Variants in ADAMTSL3 observed in about 807,000 individuals in gnomAD.
ADAMTSL3 encodes ADAMTS like 3.
A neutral mutation model predicts 201.7 loss-of-function variants in ADAMTSL3; 128 were observed. That is an observed-to-expected ratio of 0.63 (90% CI 0.55 to 0.73). The LOEUF is 0.73. Ranked by LOEUF, ADAMTSL3 falls within the 30% of genes least tolerant of loss-of-function variation. ADAMTSL3 has a pLI of 0.00. For synonymous variants in ADAMTSL3, 738 were observed against 748.4 expected, an observed-to-expected ratio of 0.99 and a Z score of 0.23; for missense variants, 1,990 against 2,119.6, an observed-to-expected ratio of 0.94 and a Z score of 1.20.
intron 17 of ADAMTSL3, among the ~76,000 whole-genome samples, chr15:83,941,525 A>G (rs1462437959): frequency 6.6e-6 from 1 of 152,192 alleles, no homozygotes; most frequent in Non-Finnish European, 1.5e-5. Context: ...AAATAGGATT[A>G]TACTCTACAA....
chr15:83,943,421 G>T (rs778159614), intron 19 of ADAMTSL3, among the ~76,000 whole-genome samples: 1 of 152,150 alleles, frequency 6.6e-6, no homozygotes, highest in Non-Finnish European at 1.5e-5. Flanking sequence ...GTCCTCCCAT[G>T]TGGAATCATT....
At position 83,892,862 on chromosome 15, in the gene ADAMTSL3, A is replaced by G. The variant is rs867007507; in HGVS notation, c.1441A>G (p.Lys481Glu). The G allele has an allele frequency of 6.2e-7, 1 of 1,614,120 alleles. No individual in the cohort carries two copies. The highest frequency in any genetic ancestry group is 1.1e-5 in the South Asian group (1 of 91,078). Reference protein sequence around the residue: ...MQTCNLFDCPKWIAMEWSQCT... With the variant: ...MQTCNLFDCPEWIAMEWSQCT... ...AACTTGTAATCTGTTTGATTGCCCCAAGTGGATTGCCATGGAGTGGTCTCA... is the reference window on the plus strand; with the variant it reads ...AACTTGTAATCTGTTTGATTGCCCCGAGTGGATTGCCATGGAGTGGTCTCA... Residue 481 changes from lysine (K) to glutamate (E), a missense_variant, in exon 13 of 30, where the codon AAG (lysine) becomes GAG (glutamate). Lys to Glu is a moderately conservative substitution (Grantham distance 56, BLOSUM62 1). Transcript: ENST00000286744.
chr15:83,881,369 C>T (rs2065267724), intron 9 of ADAMTSL3, among the ~76,000 whole-genome samples: 1 of 152,222 alleles, frequency 6.6e-6, no homozygotes, highest in Non-Finnish European at 1.5e-5. Flanking sequence ...CTACGTGAGG[C>T]TGATGACAGA....
intron 23 of ADAMTSL3, among the ~76,000 whole-genome samples, chr15:83,999,415 T>C (rs888771111): frequency 1.3e-5 from 2 of 152,252 alleles, no homozygotes; most frequent in Non-Finnish European, 2.9e-5. Context: ...TCAACATTTT[T>C]GTAACTAAAT....
At chr15:83,756,845 C>G (rs959695675) in intron 3 of ADAMTSL3, among the ~76,000 whole-genome samples, 1 of 152,158 alleles carries the variant, frequency 6.6e-6, no homozygotes, top group Non-Finnish European at 1.5e-5. Context: ...TTGGCCCAAA[C>G]AAAGGGGCTA....
At chr15:83,965,492 A>T (rs1334447841) in intron 19 of ADAMTSL3, among the ~76,000 whole-genome samples, 2 of 152,204 alleles carry the variant, frequency 1.3e-5, no homozygotes, top group Non-Finnish European at 2.9e-5. Flanking sequence ...AACTGTCCTA[A>T]ATATACATGC....
intron 7 of ADAMTSL3, among the ~76,000 whole-genome samples, chr15:83,845,995 C>T (rs2064490123): frequency 6.6e-6 from 1 of 152,100 alleles, no homozygotes; most frequent in African/African-American, 2.4e-5. Context: ...ACTTGACCTA[C>T]ACAGAATTGA....
intron 17 of ADAMTSL3, among the ~76,000 whole-genome samples, chr15:83,937,955 G>A (rs944674792): frequency 3.2e-4 from 48 of 150,950 alleles, no homozygotes; most frequent in Admixed American, 6.6e-4. Flanking sequence ...GGAGCTAAGG[G>A]AGATTAAATT....
rs377129036 is a variant in ADAMTSL3, at chr15:84,031,561, T to C, written c.4754+129T>C. ...CATAATTGACAGTTTTCAATTATGATTTATTTAGTGTCATCTTCAATAGTA... is the reference window on the plus strand; with the variant it reads ...CATAATTGACAGTTTTCAATTATGACTTATTTAGTGTCATCTTCAATAGTA... On this transcript the variant is annotated intron_variant, in intron 28 of 29. Transcript: ENST00000286744. 6.5e-6 allele frequency: 5 copies of C among 766,456 alleles called. No homozygotes were observed. The East Asian group carries it at 1.3e-4, about 20-fold the overall frequency. The allele number at this position is 766,456 out of a possible 1,614,324, so 47.5% of individuals were successfully genotyped here.
intron 28 of ADAMTSL3, among the ~76,000 whole-genome samples, chr15:84,035,977 A>C (rs1007558226): frequency 1.3e-5 from 2 of 152,148 alleles, no homozygotes; most frequent in African/African-American, 4.8e-5. Context: ...GGTTCTAGCA[A>C]CCTCCAAATC....
At chr15:83,777,121 C>T (rs565392732) in intron 4 of ADAMTSL3, among the ~76,000 whole-genome samples, 1 of 152,300 alleles carries the variant, frequency 6.6e-6, no homozygotes, top group African/African-American at 2.4e-5. Flanking sequence ...CTGCCAGTGC[C>T]CCGCCCCTGA....
chr15:83,728,702 T>C (rs2062219470), intron 3 of ADAMTSL3, among the ~76,000 whole-genome samples: 1 of 152,042 alleles, frequency 6.6e-6, no homozygotes, highest in Admixed American at 6.6e-5. Context: ...CTTATTATAC[T>C]GTCTATGTCC....
chr15:83,659,260 A>G (rs942477580), intron 2 of ADAMTSL3, among the ~76,000 whole-genome samples: 3 of 152,232 alleles, frequency 2.0e-5, no homozygotes, highest in Admixed American at 1.3e-4. Context: ...ATTTGGATGA[A>G]GAAGTCCTGG....
intron 28 of ADAMTSL3, among the ~76,000 whole-genome samples, chr15:84,036,475 A>G (rs912966317): frequency 6.6e-5 from 10 of 152,224 alleles, no homozygotes; most frequent in Non-Finnish European, 1.0e-4. Flanking sequence ...CCAGCTAGTC[A>G]GGATGTGTGT....
At chr15:83,991,645 G>A (rs1264240948) in intron 23 of ADAMTSL3, among the ~76,000 whole-genome samples, 3 of 152,224 alleles carry the variant, frequency 2.0e-5, no homozygotes, top group Non-Finnish European at 4.4e-5. Flanking sequence ...AAGCCAGATC[G>A]GGGAGCTAGA....
At position 84,014,783 on chromosome 15, in the gene ADAMTSL3, C is replaced by T. The variant is rs763860803; in HGVS notation, c.4156+59C>T. 91 of 1,491,624 alleles carry T rather than the reference C, an allele frequency of 6.1e-5. No homozygotes were observed. The Middle Eastern group carries it at 6.9e-4, about 11-fold the overall frequency. 92.4% of individuals were successfully genotyped at this position (1,491,624 alleles called of 1,614,324 possible). Reference sequence around the variant, plus strand: ...CTCCTGTAATATGCACAAAGTAGGCCCCAGTTTTGTTGATTTTGGAGTTGA... The same window carrying T: ...CTCCTGTAATATGCACAAAGTAGGCTCCAGTTTTGTTGATTTTGGAGTTGA... On this transcript the variant is annotated intron_variant, in intron 24 of 29. Coordinates refer to ENST00000286744, the MANE Select transcript of ADAMTSL3 (RefSeq NM_207517.3).
intron 20 of ADAMTSL3, among the ~76,000 whole-genome samples, chr15:83,971,247 A>G (rs555495976): frequency 7.9e-5 from 12 of 152,308 alleles, no homozygotes; most frequent in African/African-American, 2.9e-4. Context: ...TTACACATGA[A>G]TATGTATGTT....
intron 16 of ADAMTSL3, among the ~76,000 whole-genome samples, chr15:83,920,076 A>T (rs1596406692): frequency 6.6e-6 from 1 of 152,196 alleles, no homozygotes; most frequent in Admixed American, 6.6e-5. Context: ...AGATATATAT[A>T]TGTATGTATG....
intron 27 of ADAMTSL3, among the ~76,000 whole-genome samples, chr15:84,029,081 T>C (rs984851375): frequency 1.3e-5 from 2 of 152,142 alleles, no homozygotes. Flanking sequence ...TATAGAAGTG[T>C]AAAAATGAAC....
Sources: gnomAD v4.1 joint callset for allele counts (sites outside exome capture counted in the v4.1 genomes callset) on GRCh38, gnomAD v4.1.1 for gene constraint, MANE v1.5 for transcripts, NCBI Gene and HGNC (gene_info 2026-07-23, HGNC 2026-07-21) for gene names.